MASP1: variants seen among roughly 807,000 people sequenced by gnomAD.
The protein encoded by MASP1 is MBL associated serine protease 1.
A neutral mutation model predicts 77.1 loss-of-function variants in MASP1; 59 were observed. That is an observed-to-expected ratio of 0.77 (90% CI 0.62 to 0.95). MASP1 has a LOEUF of 0.95. Among genes scored for constraint, MASP1 ranks in the 40% least tolerant of loss-of-function variants. MASP1 has a pLI of 0.00. For synonymous variants in MASP1, 362 were observed against 354.5 expected (o/e 1.02, Z -0.24); for missense variants, 885 against 912.9 (o/e 0.97, Z 0.39).
At chr3:187,246,792 C>A (rs957176967) in intron 8 of MASP1, 11 of 981,038 alleles carry the variant, frequency 1.1e-5, no homozygotes, top group African/African-American at 1.1e-4. Context: ...AGAAGGGATA[C>A]TTTTGTGAAT....
intron 2 of MASP1, among the ~76,000 whole-genome samples, chr3:187,282,845 G>A (rs189529510): frequency 2.0e-5 from 3 of 152,284 alleles, no homozygotes; most frequent in East Asian, 3.9e-4. Context: ...CTCACCTCCC[G>A]CCGCCACCAT....
chr3:187,217,981 TTG>T (rs1711854123), exon 16 of MASP1: 1 of 152,240 alleles, frequency 6.6e-6, no homozygotes, highest in South Asian at 2.1e-4. Flanking sequence ...ACATGTGTTT[TTG>T]TGGGAGGAGC....
At chr3:187,267,181 C>T (rs1716108790) in intron 2 of MASP1, among the ~76,000 whole-genome samples, 1 of 152,132 alleles carries the variant, frequency 6.6e-6, no homozygotes, top group Admixed American at 6.5e-5. Context: ...GATCCAGGTC[C>T]ACAATTGCAG....
intron 2 of MASP1, among the ~76,000 whole-genome samples, chr3:187,265,547 G>A (rs1412613249): frequency 2.6e-5 from 4 of 151,856 alleles, no homozygotes; most frequent in East Asian, 1.9e-4. Context: ...AGAAGAGAAG[G>A]CCAGTAGCCT....
intron 11 of MASP1, chr3:187,226,561 G>C (rs1034830989): frequency 9.3e-6 from 13 of 1,391,324 alleles, no homozygotes; most frequent in Non-Finnish European, 1.2e-5. Flanking sequence ...TGCACTACTG[G>C]GTCTTGCCTC....
At chr3:187,271,735 T>G (rs1272478880) in intron 2 of MASP1, among the ~76,000 whole-genome samples, 2 of 152,114 alleles carry the variant, frequency 1.3e-5, no homozygotes, top group East Asian at 3.8e-4. Flanking sequence ...ATAAAATTGG[T>G]TAATTCCAGT....
chr3:187,254,582 G>A (rs565775641), intron 5 of MASP1, among the ~76,000 whole-genome samples: 4 of 152,216 alleles, frequency 2.6e-5, no homozygotes, highest in East Asian at 3.9e-4. Context: ...GTGCAAACTC[G>A]ATCGAATCTA....
chr3:187,231,984 C>T (rs780414527), downstream of MASP1, among the ~76,000 whole-genome samples: 19 of 151,900 alleles, frequency 1.3e-4, no homozygotes, highest in Admixed American at 2.0e-4. Flanking sequence ...GAGAGAGGAC[C>T]GAGAGAGAGA....
At chr3:187,253,026 G>T (rs1024345695) in intron 6 of MASP1, 142 bp downstream of exon 6, 2 of 1,021,358 alleles carry the variant, frequency 2.0e-6, no homozygotes, top group South Asian at 2.8e-5. Context: ...GAGAAAGCAC[G>T]TGCCTTGGTC....
chr3:187,261,131 A>G (rs902245261), intron 3 of MASP1, among the ~76,000 whole-genome samples: 1 of 152,318 alleles, frequency 6.6e-6, no homozygotes, highest in Admixed American at 6.5e-5. Flanking sequence ...TTCTGGTGGG[A>G]CCACTATCCT....
In MASP1 at chr3:187,262,692, G is replaced by A. The variant is rs1196831667; in HGVS notation, c.266C>T (p.Thr89Ile). ...GTCTGTGGTCTCCCTGCCACAGAAGGTTGCCAGCACCTGGTCCTCAGTTTC... is the reference window on the plus strand; with the variant it reads ...GTCTGTGGTCTCCCTGCCACAGAAGATTGCCAGCACCTGGTCCTCAGTTTC... ...KVETEDQVLA[T>I]FCGRETTDTE... The change falls in exon 3 of 11, where the codon ACC (threonine) becomes ATC (isoleucine). Residue 89 changes from threonine (T) to isoleucine (I), a missense_variant. Coordinates refer to ENST00000296280, the MANE Select transcript of MASP1 (RefSeq NM_139125.4). The A allele has an allele frequency of 1.2e-6, 2 of 1,614,016 alleles. No individual in the cohort carries two copies. The highest frequency in any genetic ancestry group is 1.3e-5 in the African/African-American group (1 of 74,918).
intron 2 of MASP1, among the ~76,000 whole-genome samples, chr3:187,279,836 C>T (rs1371038973): frequency 6.6e-6 from 1 of 152,186 alleles, no homozygotes; most frequent in Non-Finnish European, 1.5e-5. Flanking sequence ...ATGACCACTC[C>T]CAAACTTATA....
chr3:187,279,608 C>A (rs1451494835), intron 2 of MASP1, among the ~76,000 whole-genome samples: 2 of 152,182 alleles, frequency 1.3e-5, no homozygotes. Context: ...TCTCAGTTGA[C>A]CCTCAGATAA....
chr3:187,245,907 C>T (rs1218734434), intron 8 of MASP1, among the ~76,000 whole-genome samples: 6 of 152,212 alleles, frequency 3.9e-5, no homozygotes, highest in African/African-American at 1.4e-4. Context: ...GTGTGCTTTG[C>T]TGTACTGGGG....
intron 5 of MASP1, among the ~76,000 whole-genome samples, chr3:187,254,779 C>T (rs1037768873): frequency 7.2e-5 from 11 of 152,120 alleles, no homozygotes; most frequent in African/African-American, 1.9e-4. Context: ...TTATCTGATC[C>T]GGATTCCCCA....
rs1168545760 is a variant in MASP1 at position 187,234,541 on chromosome 3, T to G, written c.*1143A>C. The G allele has an allele frequency of 1.6e-6, 2 of 1,287,240 alleles. No individual in the cohort carries two copies. Among genetic ancestry groups the G allele is most frequent in the South Asian group, 1.2e-5 (1 of 80,936 alleles). 79.7% of individuals were successfully genotyped at this position (1,287,240 alleles called of 1,614,324 possible). ...AGCAGGGACTAGAACCCAGGACTCC[T>G]GGCTCTTTTCACTGCCTGCCATGGG... On this transcript the variant is annotated 3_prime_UTR_variant, in exon 11 of 11. Coordinates refer to ENST00000296280, the MANE Select transcript of MASP1 (RefSeq NM_139125.4).
At chr3:187,260,916 T>C (rs754865320) in intron 3 of MASP1, 44 bp from the exon 4 acceptor site, 1 of 1,612,996 alleles carries the variant, frequency 6.2e-7, no homozygotes, top group Admixed American at 1.7e-5. Context: ...TGCATGATGA[T>C]GAAGACTACA....
Position 187,291,592 on chromosome 3 carries a change from A to G in MASP1, c.5+36T>C, listed in dbSNP as rs576043429. 2.5e-6 allele frequency: 4 copies of G among 1,614,032 alleles called. No homozygotes were observed. In the African/African-American group the frequency reaches 4.0e-5, roughly 16 times the overall value. On this transcript the variant is annotated intron_variant, in intron 1 of 10. Coordinates refer to ENST00000296280, the MANE Select transcript of MASP1 (RefSeq NM_139125.4). ...CCCTGCTATTTGACACTGGTCCCCA[A>G]AAGGGAACCGTGCCCTCTCCTCCCC...
At chr3:187,236,680 T>C (rs1017321703) in intron 10 of MASP1, 113 bp from the exon 11 acceptor site, 1 of 1,585,720 alleles carries the variant, frequency 6.3e-7, no homozygotes, top group Non-Finnish European at 8.6e-7. Flanking sequence ...TATGCCACCA[T>C]GGGACCCTAA....
Sources: gnomAD v4.1 joint callset for allele counts (sites outside exome capture counted in the v4.1 genomes callset) on GRCh38, gnomAD v4.1.1 for gene constraint, MANE v1.5 for transcripts, NCBI Gene and HGNC (gene_info 2026-07-23, HGNC 2026-07-21) for gene names.